Variants in ABHD10 observed in about 807,000 individuals in gnomAD.
ABHD10 encodes abhydrolase domain containing 10, depalmitoylase, also known as palmitoyl-protein thioesterase ABHD10, mitochondrial.
In ABHD10, 22 loss-of-function variants were observed where a neutral mutation model predicts 33.1. The ratio of observed to expected loss-of-function variants is 0.66; its 90% confidence interval spans 0.47 to 0.95. ABHD10 has a LOEUF of 0.95. Among genes scored for constraint, ABHD10 ranks in the 40% least tolerant of loss-of-function variants. The pLI is 0.00. For synonymous variants in ABHD10, 146 were observed against 133.9 expected (o/e 1.09, Z -0.62); for missense variants, 352 against 379.9 (o/e 0.93, Z 0.61).
At position 111,981,768 on chromosome 3, in the gene ABHD10, T is replaced by C. The variant is rs767613801; in HGVS notation, c.143-16T>C. On this transcript the variant is annotated splice_polypyrimidine_tract_variant and intron_variant, in intron 1 of 4. Transcript: ENST00000273359. ...AGTTTACAAACCATAGTTTACTTTT[T>C]GTGTACTTTGTTTAGCTTGTAGACA... The C allele has an allele frequency of 1.3e-6, 2 of 1,516,100 alleles. No homozygotes were observed. Among genetic ancestry groups the C allele is most frequent in the Non-Finnish European group, 8.9e-7 (1 of 1,119,564 alleles). 93.9% of individuals were successfully genotyped at this position (1,516,100 alleles called of 1,614,324 possible). A position where few individuals can be genotyped will look rare whatever the true frequency, so the allele number is the denominator to read the frequency against.
At chr3:111,984,163 T>C (rs1170603318) in intron 2 of ABHD10, among the ~76,000 whole-genome samples, 1 of 152,102 alleles carries the variant, frequency 6.6e-6, no homozygotes, top group Non-Finnish European at 1.5e-5. Flanking sequence ...CCTTTTTTCT[T>C]CCACCCCTTC....
chr3:111,985,305 C>T (rs1249069910), intron 2 of ABHD10, among the ~76,000 whole-genome samples: 2 of 151,972 alleles, frequency 1.3e-5, no homozygotes, highest in African/African-American at 4.8e-5. Context: ...TGATTTGATA[C>T]CCTTAAGGAG....
At chr3:111,982,155 T>C (rs1223698801) in intron 2 of ABHD10, 188 bp downstream of exon 2, 2 of 436,274 alleles carry the variant, frequency 4.6e-6, no homozygotes, top group East Asian at 3.5e-5. Context: ...TAAAGGCCTT[T>C]GTGCCACGCT....
intron 2 of ABHD10, among the ~76,000 whole-genome samples, chr3:111,984,151 C>T (rs1399692984): frequency 6.6e-6 from 1 of 152,056 alleles, no homozygotes; most frequent in Admixed American, 6.6e-5. Flanking sequence ...GGTGTCTTTC[C>T]CCCTTTTTTC....
chr3:111,991,256 A>G (rs2107714285), intron 4 of ABHD10, 121 bp from the exon 5 acceptor site: 4 of 753,728 alleles, frequency 5.3e-6, no homozygotes, highest in East Asian at 2.7e-5. Context: ...TTATTGTTAT[A>G]CTTTTGTTAT....
Position 111,991,910 on chromosome 3 carries a change from A to T in ABHD10, c.*189A>T. Reference sequence around the variant, plus strand: ...AGAAGGACCAGCTGCTGTTTAGAAAATTTTCTCCTTCCTTCTGTCCTTGAT... The same window carrying T: ...AGAAGGACCAGCTGCTGTTTAGAAATTTTTCTCCTTCCTTCTGTCCTTGAT... On this transcript the variant is annotated 3_prime_UTR_variant, in exon 5 of 5. Coordinates refer to ENST00000273359, the MANE Select transcript of ABHD10 (RefSeq NM_018394.4). 2.0e-6 allele frequency: 1 copy of T among 489,016 alleles called. No individual in the cohort carries two copies. Among genetic ancestry groups the T allele is most frequent in the South Asian group, 3.9e-5 (1 of 25,972 alleles). 30.3% of individuals were successfully genotyped at this position (489,016 alleles called of 1,614,324 possible).
At chr3:111,987,172 C>T in intron 4 of ABHD10, 121 bp downstream of exon 4, 1 of 1,131,820 alleles carries the variant, frequency 8.8e-7, no homozygotes, top group Non-Finnish European at 1.2e-6. Flanking sequence ...CTGTGCTGGC[C>T]CAACTTTTGT....
At chr3:111,979,275 T>C (rs2107707609) in intron 1 of ABHD10, 72 bp downstream of exon 1, 2 of 1,488,046 alleles carry the variant, frequency 1.3e-6, no homozygotes, top group Admixed American at 2.3e-5. Context: ...ACCGTGCCTG[T>C]GCAGTGCGTC....
rs942394179 is a variant in ABHD10, at chr3:111,991,455, T to C, written c.655T>C (p.Tyr219His). The C allele has an allele frequency of 1.9e-6, 3 of 1,614,108 alleles. No individual in the cohort carries two copies. The highest frequency in any genetic ancestry group is 1.1e-5 in the South Asian group (1 of 91,072). ...TGAAGAAGGAGTTTATAACGTTCAGTACAGTTTCATTAAAGAAGCTGAACA... is the reference window on the plus strand; with the variant it reads ...TGAAGAAGGAGTTTATAACGTTCAGCACAGTTTCATTAAAGAAGCTGAACA... The part of the protein sequence containing the change: ...YSEEGVYNVQ[Y>H]SFIKEAEHHC... Residue 219 changes from tyrosine (Y) to histidine (H), a missense_variant, in exon 5 of 5, where the codon TAC becomes CAC. Tyr to His is a moderately conservative substitution (Grantham distance 83, BLOSUM62 2). Transcript: ENST00000273359.
chr3:111,985,229 A>C (rs1366137322), intron 2 of ABHD10, among the ~76,000 whole-genome samples: 1 of 152,208 alleles, frequency 6.6e-6, no homozygotes, highest in African/African-American at 2.4e-5. Flanking sequence ...GGAGTAGTTC[A>C]GTATGACTAG....
intron 4 of ABHD10, chr3:111,990,707 G>A (rs1297918210): frequency 2.8e-6 from 4 of 1,432,744 alleles, no homozygotes; most frequent in South Asian, 2.8e-5. Context: ...TAGGACTCTG[G>A]AAGGAAAAAC....
Position 111,986,919 on chromosome 3 carries a change from T to C in ABHD10, c.444T>C (p.Leu148=). ...TTATTTTATTTTATTTTTAGATTCT[T>C]GTTGGATCTAGCCTTGGAGGGTGGC... ...IDDLADGPQI[L]VGSSLGGWLM... Residue 148 remains leucine, a synonymous_variant, in exon 4 of 5, where the codon CTT becomes CTC. Coordinates refer to ENST00000273359, the MANE Select transcript of ABHD10 (RefSeq NM_018394.4). 2 of 1,586,020 alleles carry C rather than the reference T, an allele frequency of 1.3e-6. No individual in the cohort carries two copies. Among genetic ancestry groups the C allele is most frequent in the Non-Finnish European group, 1.7e-6 (2 of 1,171,528 alleles).
chr3:111,991,194 A>T (rs1576069948), intron 4 of ABHD10, among the ~76,000 whole-genome samples, 183 bp from the exon 5 acceptor site: 5 of 152,316 alleles, frequency 3.3e-5, no homozygotes, highest in Admixed American at 3.3e-4. Context: ...ATGGAATAAT[A>T]TGTATAAAAT....
At chr3:111,982,672 A>G (rs930520290) in intron 2 of ABHD10, among the ~76,000 whole-genome samples, 37 of 152,168 alleles carry the variant, frequency 2.4e-4, no homozygotes, top group African/African-American at 8.7e-4. Context: ...GTTAATAAAC[A>G]TTGGACCTAA....
Position 111,992,852 on chromosome 3 carries a change from T to A in ABHD10, c.*1131T>A, listed in dbSNP as rs1022194979. On this transcript the variant is annotated 3_prime_UTR_variant, in exon 5 of 5. Transcript: ENST00000273359. ...CAAGAAACTGAGTATTTATGGGCAT[T>A]GAAGAAAAAATGTTGAGATAAAATT... 6.6e-6 allele frequency: 1 copy of A among 152,104 alleles called. No individual in the cohort carries two copies. Among genetic ancestry groups the A allele is most frequent in the African/African-American group, 2.4e-5 (1 of 41,412 alleles). 9.4% of individuals were successfully genotyped at this position (152,104 alleles called of 1,614,324 possible).
Position 111,990,358 on chromosome 3 carries a change from A to G in ABHD10, c.577-1019A>G, listed in dbSNP as rs554695108. Among the ~76,000 whole-genome samples the G allele has an allele frequency of 2.5e-4, 38 of 152,164 alleles. No homozygotes were observed. In the South Asian group the frequency reaches 7.9e-3, roughly 32 times the overall value. On this transcript the variant is annotated intron_variant, in intron 4 of 4. Coordinates refer to ENST00000273359, the MANE Select transcript of ABHD10 (RefSeq NM_018394.4). Reference sequence around the variant, plus strand: ...AATGTGTAATATGTATGTATTTTACATATTACACAAAAACCAAAACACATA... The same window carrying G: ...AATGTGTAATATGTATGTATTTTACGTATTACACAAAAACCAAAACACATA...
At chr3:111,982,013 A>G (rs914009565) in intron 2 of ABHD10, 46 bp downstream of exon 2, 1 of 1,365,060 alleles carries the variant, frequency 7.3e-7, no homozygotes. Context: ...TGTTAGCATT[A>G]CAGTGGAGAA....
chr3:111,980,765 C>G lies in ABHD10; in HGVS notation c.143-1019C>G, dbSNP rs940909579. On this transcript the variant is annotated intron_variant, in intron 1 of 4. Transcript: ENST00000273359. ...CAAAACGCAAAGTGATTGCATAGGT[C>G]TATAAGAAATCTCTTTCCAAAAACG... is the stretch of plus-strand genomic sequence containing the variant. 3.3e-5 allele frequency among the ~76,000 whole-genome samples: 5 copies of G among 152,234 alleles called. No individual in the cohort carries two copies. In the South Asian group the frequency reaches 1.0e-3, roughly 32 times the overall value.
At position 111,980,986 on chromosome 3, in the gene ABHD10, T is replaced by G. The variant is rs115326717; in HGVS notation, c.143-798T>G. 8.1e-3 allele frequency among the ~76,000 whole-genome samples: 1,236 copies of G among 152,066 alleles called. 15 individuals carry two copies. The highest frequency in any genetic ancestry group is 0.038 in the South Asian group (181 of 4,798). On this transcript the variant is annotated intron_variant, in intron 1 of 4. Coordinates refer to ENST00000273359, the MANE Select transcript of ABHD10 (RefSeq NM_018394.4). ...CAATTTTGCAAGGGCAGACCAAACC[T>G]GTTTCTTCCCTGACCCCCAAGAAAG...
Sources: allele counts gnomAD v4.1 joint callset (sites outside exome capture counted in the v4.1 genomes callset), GRCh38; gene constraint gnomAD v4.1.1; transcripts MANE v1.5; gene names NCBI Gene and HGNC (gene_info 2026-07-23, HGNC 2026-07-21).